Variants in NRXN3 observed in about 807,000 individuals in gnomAD.
NRXN3 encodes neurexin 3, also known as neurexin III.
NRXN3 carries 32 observed loss-of-function variants against 137.6 expected under a neutral mutation model. The ratio of observed to expected loss-of-function variants is 0.23; its 90% CI spans 0.18 to 0.31. The LOEUF (loss-of-function observed/expected upper bound fraction) is 0.31. NRXN3 is among the 10% of genes least tolerant of loss of function. The pLI is 1.00. For synonymous variants in NRXN3, 798 were observed against 784.5 expected, an observed-to-expected ratio of 1.02 and a Z score of -0.29; for missense variants, 1,574 against 2,062.5, an observed-to-expected ratio of 0.76 and a Z score of 4.59.
chr14:79,171,282 G>T (rs1033734737), intron 15 of NRXN3, among the ~76,000 whole-genome samples: 1 of 152,082 alleles, frequency 6.6e-6, no homozygotes, highest in Non-Finnish European at 1.5e-5. Context: ...TCTGTCTTCC[G>T]TGAGGGTTAT....
At position 79,458,209 on chromosome 14, in the gene NRXN3, A is replaced by C. The variant is rs2096281917; in HGVS notation, c.3263-9012A>C. Among the ~76,000 whole-genome samples, 3 of 152,184 alleles carry C rather than the reference A, an allele frequency of 2.0e-5. No homozygotes were observed. In the South Asian group the frequency reaches 6.2e-4, roughly 32 times the overall value. On this transcript the variant is annotated intron_variant, in intron 15 of 20. Coordinates refer to ENST00000335750, the MANE Select transcript of NRXN3 (RefSeq NM_001330195.2). ...GATTTAGAAATGGAGGAGTAACATA[A>C]AACAATTTGACTAAAAATGGGTGTG...
intron 10 of NRXN3, among the ~76,000 whole-genome samples, chr14:78,830,011 G>A (rs1370490643): frequency 1.3e-5 from 2 of 152,170 alleles, no homozygotes; most frequent in Non-Finnish European, 2.9e-5. Flanking sequence ...CTGTGAGAGA[G>A]TAACCTGTTA....
intron 15 of NRXN3, among the ~76,000 whole-genome samples, chr14:79,242,572 C>CTG (rs2074480878): frequency 6.6e-6 from 1 of 152,132 alleles, no homozygotes; most frequent in Non-Finnish European, 1.5e-5. Context: ...GTTGTTACCT[C>CTG]CAGCGAGGAG....
intron 19 of NRXN3, among the ~76,000 whole-genome samples, chr14:79,740,029 TG>T (rs1410619079): frequency 6.6e-6 from 1 of 152,160 alleles, no homozygotes; most frequent in Non-Finnish European, 1.5e-5. Context: ...TCAGACTCAC[TG>T]GATGAAACAG....
intron 16 of NRXN3, among the ~76,000 whole-genome samples, chr14:79,483,900 A>G (rs996369667): frequency 7.2e-5 from 11 of 152,132 alleles, no homozygotes; most frequent in African/African-American, 2.7e-4. Flanking sequence ...GAATTGCTAA[A>G]ATTTGAAAAC....
chr14:79,260,057 T>C (rs1203642457), intron 15 of NRXN3, among the ~76,000 whole-genome samples: 1 of 152,184 alleles, frequency 6.6e-6, no homozygotes, highest in Non-Finnish European at 1.5e-5. Flanking sequence ...CCTGGTCATA[T>C]GTTTTCCTGA....
intron 16 of NRXN3, among the ~76,000 whole-genome samples, chr14:79,653,036 T>C (rs2153974444): frequency 6.6e-6 from 1 of 151,896 alleles, no homozygotes; most frequent in East Asian, 2.0e-4. Flanking sequence ...TGCAGCACTA[T>C]CTCCAGGACA....
intron 15 of NRXN3, among the ~76,000 whole-genome samples, chr14:79,047,479 C>T (rs1319328725): frequency 6.6e-6 from 1 of 151,886 alleles, no homozygotes; most frequent in Non-Finnish European, 1.5e-5. Flanking sequence ...AAAATATATA[C>T]CTAAGAAAAT....
At chr14:79,103,971 T>C (rs2051864928) in intron 15 of NRXN3, among the ~76,000 whole-genome samples, 1 of 152,148 alleles carries the variant, frequency 6.6e-6, no homozygotes, top group African/African-American at 2.4e-5. Flanking sequence ...TGTACACATG[T>C]GCACACATAT....
intron 8 of NRXN3, among the ~76,000 whole-genome samples, chr14:78,727,082 T>C (rs1287138282): frequency 1.3e-5 from 2 of 151,276 alleles, no homozygotes; most frequent in East Asian, 4.0e-4. Flanking sequence ...AAGACAACTA[T>C]CAGGTTTTCC....
At chr14:79,622,657 C>T (rs1363254923) in intron 16 of NRXN3, among the ~76,000 whole-genome samples, 6 of 152,024 alleles carry the variant, frequency 3.9e-5, no homozygotes, top group South Asian at 2.1e-4. Context: ...AGTGTAATGG[C>T]GCAATCTCGG....
intron 1 of NRXN3, among the ~76,000 whole-genome samples, chr14:78,215,803 G>A (rs1173674524): frequency 6.6e-6 from 1 of 151,648 alleles, no homozygotes; most frequent in Non-Finnish European, 1.5e-5. Flanking sequence ...GTGCACCTAG[G>A]TGGCCACTCT....
chr14:79,061,017 T>G (rs965828932), intron 15 of NRXN3, among the ~76,000 whole-genome samples: 3 of 152,166 alleles, frequency 2.0e-5, no homozygotes, highest in African/African-American at 7.2e-5. Context: ...ACATAATAAT[T>G]CATGATGAAC....
At chr14:78,984,166 A>G (rs1053437038) in intron 14 of NRXN3, among the ~76,000 whole-genome samples, 3 of 152,216 alleles carry the variant, frequency 2.0e-5, no homozygotes, top group Non-Finnish European at 4.4e-5. Flanking sequence ...AATGGTGACT[A>G]CAGCAAATAA....
At chr14:78,554,972 C>T (rs541210874) in intron 4 of NRXN3, among the ~76,000 whole-genome samples, 19 of 152,208 alleles carry the variant, frequency 1.2e-4, no homozygotes, top group Middle Eastern at 6.8e-3. Flanking sequence ...ATAGAACAGT[C>T]GAGAGCATGG....
chr14:78,747,796 C>T (rs2098618416), intron 8 of NRXN3, among the ~76,000 whole-genome samples: 3 of 152,178 alleles, frequency 2.0e-5, no homozygotes, highest in Non-Finnish European at 4.4e-5. Context: ...GACAATTTTG[C>T]CCTTCTGCTC....
chr14:79,168,185 C>T (rs1475105094), intron 15 of NRXN3, among the ~76,000 whole-genome samples: 1 of 151,976 alleles, frequency 6.6e-6, no homozygotes, highest in Non-Finnish European at 1.5e-5. Context: ...GCATCAATCC[C>T]ACGTTGGGGA....
intron 16 of NRXN3, among the ~76,000 whole-genome samples, chr14:79,513,175 T>C (rs2096949141): frequency 6.6e-6 from 1 of 152,232 alleles, no homozygotes; most frequent in South Asian, 2.1e-4. Flanking sequence ...TTTTCTCAGG[T>C]GTTCAAACAT....
chr14:79,764,124 TA>T (rs762567450), intron 19 of NRXN3, among the ~76,000 whole-genome samples: 4 of 150,384 alleles, frequency 2.7e-5, no homozygotes, highest in Non-Finnish European at 5.9e-5. Context: ...TATATGTAAA[TA>T]AATTATTAGG....
Sources: gnomAD v4.1 joint callset for allele counts (sites outside exome capture counted in the v4.1 genomes callset) on GRCh38, gnomAD v4.1.1 for gene constraint, MANE v1.5 for transcripts, NCBI Gene and HGNC (gene_info 2026-07-23, HGNC 2026-07-21) for gene names.